The following ART3 variants were observed in gnomAD, a reference collection of about 807,000 sequenced individuals.
ART3 encodes ecto-ADP-ribosyltransferase 3.
A neutral mutation model predicts 48.5 loss-of-function variants in ART3; 49 were observed. The observed-to-expected ratio is 1.01, with a 90% CI of 0.80 to 1.28. The LOEUF (loss-of-function observed/expected upper bound fraction) is 1.28. Ranked by LOEUF, ART3 falls within the 50% of genes most tolerant of loss-of-function variation. The probability of loss-of-function intolerance (pLI) is 0.00; values close to 1 mark genes in which losing one functional copy is unlikely to be tolerated. For synonymous variants in ART3, 145 were observed against 157.2 expected, an observed-to-expected ratio of 0.92 and a Z score of 0.58; for missense variants, 438 against 454.3, an observed-to-expected ratio of 0.96 and a Z score of 0.33.
At chr4:76,035,506 T>G (rs1326415880) in intron 1 of ART3, among the ~76,000 whole-genome samples, 1 of 152,230 alleles carries the variant, frequency 6.6e-6, no homozygotes, top group Non-Finnish European at 1.5e-5. Context: ...AAGTAAGATG[T>G]TGATTATTTT....
chr4:76,102,054 AT>A (rs1560652113), intron 8 of ART3, among the ~76,000 whole-genome samples: 16 of 148,544 alleles, frequency 1.1e-4, no homozygotes, highest in African/African-American at 4.2e-4. Context: ...AGATTCTAGA[AT>A]TGGGCAACAC....
At position 76,029,782 on chromosome 4, in the gene ART3, A is replaced by G. The variant is rs575193240; in HGVS notation, c.-10+18462A>G. 8.5e-4 allele frequency among the ~76,000 whole-genome samples: 130 copies of G among 152,210 alleles called. 3 individuals are homozygous for G. The highest frequency in any genetic ancestry group is 3.0e-3 in the African/African-American group (126 of 41,522). On this transcript the variant is annotated intron_variant, in intron 1 of 9. Transcript: ENST00000341029. ...TTTTCTAATAGCATTATCCAAAACT[A>G]CTCCATTTGTTTGAAAGCTCTTCTT...
intron 3 of ART3, among the ~76,000 whole-genome samples, chr4:76,085,585 T>C (rs1019035800): frequency 2.6e-5 from 4 of 152,100 alleles, no homozygotes; most frequent in African/African-American, 9.7e-5. Context: ...AGATGAAAGC[T>C]GAAATGAGTA....
chr4:76,049,622 G>A (rs1735841702), intron 1 of ART3, among the ~76,000 whole-genome samples: 1 of 131,072 alleles, frequency 7.6e-6, no homozygotes, highest in African/African-American at 3.0e-5. Flanking sequence ...TGGCCGACAG[G>A]TGCCCGGTAT....
In ART3 at chr4:76,082,043, G is replaced by C; in HGVS notation, c.289G>C (p.Ala97Pro). The C allele has an allele frequency of 6.2e-7, 1 of 1,614,190 alleles. No individual in the cohort carries two copies. The highest frequency in any genetic ancestry group is 8.5e-7 in the Non-Finnish European group (1 of 1,180,036). ...PMNFKDNHGIALMAYISEAQE... is the reference protein window; with the variant it reads ...PMNFKDNHGIPLMAYISEAQE... ...GAATTTTAAGGATAACCATGGAATA[G>C]CCCTGATGGCATATATTTCCGAAGC... The change falls in exon 3 of 12, where the codon GCC (alanine) becomes CCC (proline). Residue 97 changes from alanine (A) to proline (P), a missense_variant. Ala to Pro is a conservative substitution (Grantham distance 27, BLOSUM62 -1). Around this residue, in one of 3 missense-constraint regions of ART3, gnomAD observed 206 missense variants for 205.3 expected, o/e 1.00. Coordinates refer to ENST00000355810, the MANE Select transcript of ART3 (RefSeq NM_001130016.3).
At position 76,049,821 on chromosome 4, in the gene ART3, C is replaced by T. The variant is rs1735873906; in HGVS notation, c.-9-26060C>T. 1.3e-5 allele frequency among the ~76,000 whole-genome samples: 2 copies of T among 151,960 alleles called. 1 individual carries two copies. On this transcript the variant is annotated intron_variant, in intron 1 of 9. Coordinates refer to the ART3 transcript ENST00000341029. ...TCCGGAATTGGTGGGTTCTTGGTCT[C>T]GCTGACTTCAAGAATGAAGCCGCGG...
At chr4:76,075,206 A>G (rs1269616239) in intron 1 of ART3, 4 of 152,194 alleles carry the variant, frequency 2.6e-5, no homozygotes, top group Admixed American at 6.5e-5. Flanking sequence ...CATTCGGCCA[A>G]TAGTTGTATA....
At chr4:76,078,917 A>T (rs1349586942) in intron 2 of ART3, among the ~76,000 whole-genome samples, 1 of 152,120 alleles carries the variant, frequency 6.6e-6, no homozygotes, top group East Asian at 1.9e-4. Context: ...CGTCTCTACT[A>T]AAAATACAGA....
At position 76,088,119 on chromosome 4, in the gene ART3, AT is replaced by A. The variant is rs544910240; in HGVS notation, c.781+5586del. Among the ~76,000 whole-genome samples, 53 of 152,266 alleles carry A rather than the reference AT, an allele frequency of 3.5e-4. No homozygotes were observed. The East Asian group carries it at 9.8e-3, about 28-fold the overall frequency. ...CCTCAATTGGGAGGACGGTGAATGA[AT>A]TATAAATACCTGGTGGGAAGCCATG... On this transcript the variant is annotated intron_variant, in intron 3 of 11. Transcript: ENST00000355810.
At chr4:76,079,046 A>G (rs952675387) in intron 2 of ART3, among the ~76,000 whole-genome samples, 5 of 152,160 alleles carry the variant, frequency 3.3e-5, no homozygotes, top group Non-Finnish European at 5.9e-5. Flanking sequence ...GTGCCACTGC[A>G]CTCCAGCCTG....
chr4:76,062,938 C>G (rs1719377307), intron 1 of ART3, among the ~76,000 whole-genome samples: 1 of 151,986 alleles, frequency 6.6e-6, no homozygotes, highest in South Asian at 2.1e-4. Flanking sequence ...GCTATTCTCT[C>G]TGTAAGGAAT....
At chr4:76,034,437 T>C (rs1461858706) in intron 1 of ART3, 4 of 484,066 alleles carry the variant, frequency 8.3e-6, no homozygotes, top group African/African-American at 8.1e-5. Flanking sequence ...GAAGGTTCTC[T>C]AGCCTAGAAA....
At chr4:76,111,010 G>T (rs974709678) in intron 11 of ART3, among the ~76,000 whole-genome samples, 2 of 152,096 alleles carry the variant, frequency 1.3e-5, no homozygotes, top group Non-Finnish European at 2.9e-5. Flanking sequence ...CAAAAGAAAC[G>T]TAAATGTAAA....
chr4:76,070,799 C>T (rs993734040), upstream of ART3, among the ~76,000 whole-genome samples: 1 of 152,046 alleles, frequency 6.6e-6, no homozygotes, highest in Middle Eastern at 3.2e-3. Context: ...AAAATTGAAG[C>T]AAGTAGAAAA....
Position 76,046,681 on chromosome 4 carries a change from C to G in ART3, c.-9-29200C>G, listed in dbSNP as rs539062232. 1.9e-4 allele frequency among the ~76,000 whole-genome samples: 29 copies of G among 152,042 alleles called. No individual in the cohort carries two copies. In the South Asian group the frequency reaches 6.0e-3, roughly 32 times the overall value. On this transcript the variant is annotated intron_variant, in intron 1 of 9. Transcript: ENST00000341029. ...CAAGTAGGGGACAGCAAATGGGTAA[C>G]TTTTTCCCCATATTCATGTAGATAA...
chr4:76,070,298 A>G (rs1292394893), upstream of ART3, among the ~76,000 whole-genome samples: 1 of 152,238 alleles, frequency 6.6e-6, no homozygotes, highest in Non-Finnish European at 1.5e-5. Flanking sequence ...ATCATCTTGC[A>G]TTCCCATCAG....
At position 76,112,756 on chromosome 4, in the gene ART3, T is replaced by C; in HGVS notation, c.*237T>C. The C allele has an allele frequency of 2.7e-6, 1 of 367,098 alleles. No homozygotes were observed. The highest frequency in any genetic ancestry group is 4.8e-6 in the Non-Finnish European group (1 of 207,800). 22.7% of individuals were successfully genotyped at this position (367,098 alleles called of 1,614,324 possible). ...AAAAATCCCGAAAACTGTATACTTC[T>C]GATTAAATTCAATAAAAGATTTTGA... On this transcript the variant is annotated 3_prime_UTR_variant, in exon 12 of 12. Transcript: ENST00000355810.
intron 1 of ART3, among the ~76,000 whole-genome samples, chr4:76,014,978 AGAAAT>A (rs928459824): frequency 3.9e-5 from 6 of 152,342 alleles, no homozygotes; most frequent in African/African-American, 1.4e-4. Context: ...AGAATGAAAA[AGAAAT>A]GAAGACATTT....
chr4:76,111,700 G>A (rs1359557359), intron 11 of ART3, among the ~76,000 whole-genome samples: 5 of 151,966 alleles, frequency 3.3e-5, no homozygotes, highest in South Asian at 2.1e-4. Flanking sequence ...CCGCCACCAC[G>A]CCCGGCTAAT....
Sources: allele counts gnomAD v4.1 joint callset (sites outside exome capture counted in the v4.1 genomes callset), GRCh38; gene constraint gnomAD v4.1.1; regional missense constraint gnomAD v4.1.1; transcripts MANE v1.5; gene names NCBI Gene and HGNC (gene_info 2026-07-23, HGNC 2026-07-21).